Variants in IDE observed in about 807,000 individuals in gnomAD.
The protein encoded by IDE is insulin degrading enzyme.
IDE carries 58 observed loss-of-function variants against 133.2 expected under a neutral mutation model. The ratio of observed to expected loss-of-function variants is 0.44; its 90% CI spans 0.35 to 0.54. IDE has a LOEUF of 0.54. IDE is among the 20% of genes least tolerant of loss of function. IDE has a pLI of 0.00. For missense variants in IDE, 981 were observed against 1,234.0 expected, an observed-to-expected ratio of 0.79 and a Z score of 3.07; for synonymous variants, 396 against 421.3, an observed-to-expected ratio of 0.94 and a Z score of 0.73.
chr10:92,508,950 T>C, intron 6 of IDE, 60 bp from the exon 7 acceptor site: 1 of 1,346,100 alleles, frequency 7.4e-7, no homozygotes, highest in Admixed American at 1.8e-5. Context: ...AAAATATTTC[T>C]AAACTATGAA....
In IDE at chr10:92,536,808, G is replaced by C. The variant is rs530816927; in HGVS notation, c.283+558C>G. 2.6e-5 allele frequency among the ~76,000 whole-genome samples: 4 copies of C among 152,226 alleles called. No homozygotes were observed. The South Asian group carries it at 8.3e-4, about 32-fold the overall frequency. On this transcript the variant is annotated intron_variant, in intron 2 of 24. Coordinates refer to ENST00000265986, the MANE Select transcript of IDE (RefSeq NM_004969.4). ...TAATCCCAGCACTTTGGGAGGCCAA[G>C]GCAGGCAGATCACAAGGTCAAGAGA...
intron 10 of IDE, 40 bp from the exon 11 acceptor site, chr10:92,504,937 G>T: frequency 2.3e-6 from 2 of 887,272 alleles, no homozygotes; most frequent in East Asian, 2.8e-5. Flanking sequence ...AATATACAAA[G>T]CTACTACATA....
chr10:92,494,221 C>A (rs1490851251), intron 11 of IDE, among the ~76,000 whole-genome samples: 2 of 135,780 alleles, frequency 1.5e-5, no homozygotes, highest in Admixed American at 1.5e-4. Context: ...ACCACCATAC[C>A]CAGCCAATTT....
chr10:92,508,333 GAAA>G (rs1209920559), intron 7 of IDE, 128 bp from the exon 8 acceptor site: 2 of 735,320 alleles, frequency 2.7e-6, no homozygotes, highest in East Asian at 2.5e-5. Flanking sequence ...AAAAGATTGG[GAAA>G]AAAAAATCAG....
chr10:92,516,048 A>C (rs1187291215), intron 4 of IDE, among the ~76,000 whole-genome samples: 1 of 151,612 alleles, frequency 6.6e-6, no homozygotes, highest in East Asian at 2.0e-4. Flanking sequence ...ACATGCCTGT[A>C]ATCCCAGCTA....
intron 17 of IDE, among the ~76,000 whole-genome samples, chr10:92,471,737 CAG>C (rs1218428564): frequency 6.6e-6 from 1 of 152,112 alleles, no homozygotes; most frequent in African/African-American, 2.4e-5. Flanking sequence ...ATTTTTGAGA[CAG>C]AGTCTTGCTC....
At chr10:92,491,902 T>C (rs1328212576) in intron 11 of IDE, among the ~76,000 whole-genome samples, 1 of 152,094 alleles carries the variant, frequency 6.6e-6, no homozygotes, top group Non-Finnish European at 1.5e-5. Flanking sequence ...TCAGCCACTG[T>C]GCCCAGCCTA....
rs1589474230 is a variant in IDE, at chr10:92,524,514, A to ATT, written c.661+7233_661+7234insAA. 1.8e-4 allele frequency among the ~76,000 whole-genome samples: 13 copies of ATT among 73,184 alleles called. 1 individual carries two copies. The highest frequency in any genetic ancestry group is 8.7e-4 in the East Asian group (3 of 3,450). 48.0% of individuals were successfully genotyped at this position (73,184 alleles called of 152,430 possible). ...TTATAATATATTTTATATAATATATAATATATATTATATTATAATATATTT... is the reference window on the plus strand; with the variant it reads ...TTATAATATATTTTATATAATATATATTATATATATTATATTATAATATATTT... On this transcript the variant is annotated intron_variant, in intron 4 of 24. Transcript: ENST00000265986.
intron 17 of IDE, among the ~76,000 whole-genome samples, chr10:92,472,762 C>T (rs1846032654): frequency 6.6e-6 from 1 of 151,078 alleles, no homozygotes; most frequent in Non-Finnish European, 1.5e-5. Context: ...CCTCAGCCTA[C>T]CAAGTAGCTG....
chr10:92,457,665 C>T (rs916156734), intron 22 of IDE, among the ~76,000 whole-genome samples: 3 of 152,098 alleles, frequency 2.0e-5, no homozygotes, highest in African/African-American at 4.8e-5. Context: ...CCACAAGCAA[C>T]GTTTCATATC....
intron 2 of IDE, among the ~76,000 whole-genome samples, chr10:92,535,546 T>G (rs956635044): frequency 6.6e-6 from 1 of 152,208 alleles, no homozygotes; most frequent in African/African-American, 2.4e-5. Flanking sequence ...CGCTTCAATA[T>G]ATACCCATCT....
At chr10:92,556,922 C>CAA (rs375189780) in intron 1 of IDE, among the ~76,000 whole-genome samples, 69 of 83,092 alleles carry the variant, frequency 8.3e-4, no homozygotes, top group Non-Finnish European at 8.8e-4. Context: ...GACTCCGCCT[C>CAA]AAAAAAAAAA....
intron 6 of IDE, among the ~76,000 whole-genome samples, 196 bp from the exon 7 acceptor site, chr10:92,509,086 T>C (rs1848451212): frequency 1.3e-5 from 2 of 152,208 alleles, no homozygotes; most frequent in African/African-American, 2.4e-5. Context: ...AGTCGGTATA[T>C]AGTCCATGTT....
chr10:92,520,415 T>G (rs541976942), intron 4 of IDE, among the ~76,000 whole-genome samples: 2 of 152,294 alleles, frequency 1.3e-5, no homozygotes, highest in South Asian at 4.1e-4. Context: ...TGGGAAGGAA[T>G]GAGTTTTAAG....
At chr10:92,501,939 C>T (rs1272945136) in intron 11 of IDE, among the ~76,000 whole-genome samples, 8 of 152,092 alleles carry the variant, frequency 5.3e-5, no homozygotes, top group Non-Finnish European at 5.9e-5. Context: ...TGCACCATTG[C>T]ACTTCCAGCC....
intron 4 of IDE, among the ~76,000 whole-genome samples, chr10:92,524,445 T>TA (rs369893619): frequency 0.043 from 574 of 13,214 alleles, 64 homozygotes; most frequent in African/African-American, 0.11. Flanking sequence ...ATATAATATA[T>TA]TTTATATATT....
intron 1 of IDE, among the ~76,000 whole-genome samples, chr10:92,558,296 C>G (rs770359289): frequency 2.0e-5 from 3 of 152,074 alleles, no homozygotes; most frequent in African/African-American, 7.2e-5. Context: ...TCAGGTGATC[C>G]GCCCACCTCG....
chr10:92,541,559 T>C (rs534822198), intron 1 of IDE, among the ~76,000 whole-genome samples: 1 of 152,330 alleles, frequency 6.6e-6, no homozygotes, highest in African/African-American at 2.4e-5. Context: ...AAAGTTAAAA[T>C]TTTAGGAGCA....
chr10:92,501,270 G>A (rs1248500795), intron 11 of IDE, among the ~76,000 whole-genome samples: 4 of 141,868 alleles, frequency 2.8e-5, no homozygotes, highest in Admixed American at 7.3e-5. Flanking sequence ...GCTGAGGCAT[G>A]AGAATTGCTT....
Sources: gnomAD v4.1 joint callset for allele counts (sites outside exome capture counted in the v4.1 genomes callset) on GRCh38, gnomAD v4.1.1 for gene constraint, MANE v1.5 for transcripts, NCBI Gene and HGNC (gene_info 2026-07-23, HGNC 2026-07-21) for gene names.